The following GRM7 variants were observed in gnomAD, a reference collection of about 807,000 sequenced individuals.
GRM7 encodes the protein metabotropic glutamate receptor 7.
Under a neutral mutation model 84.5 loss-of-function variants are expected in GRM7, and 35 were observed. The observed-to-expected ratio is 0.41, with a 90% CI of 0.32 to 0.55. The LOEUF (loss-of-function observed/expected upper bound fraction) is 0.55. GRM7 is among the 20% of genes least tolerant of loss of function. GRM7 has a pLI of 0.19. For synonymous variants in GRM7, 487 were observed against 455.1 expected (o/e 1.07, Z -0.89); for missense variants, 1,003 against 1,194.6 (o/e 0.84, Z 2.36).
In GRM7 at chr3:7,233,774, G is replaced by A. The variant is rs148736003; in HGVS notation, c.737-64910G>A. 2.0e-4 allele frequency among the ~76,000 whole-genome samples: 30 copies of A among 152,178 alleles called. 1 individual carries two copies. Among genetic ancestry groups the A allele is most frequent in the African/African-American group, 5.8e-4 (24 of 41,554 alleles). ...TTCTTTTACAAAATGACTCCGAACT[G>A]CAAATAAATAAACCCAATTTTTGGA... is the stretch of plus-strand genomic sequence containing the variant. On this transcript the variant is annotated intron_variant, in intron 2 of 9. Transcript: ENST00000357716.
At chr3:7,539,020 C>T (rs1478549143) in intron 7 of GRM7, among the ~76,000 whole-genome samples, 1 of 152,134 alleles carries the variant, frequency 6.6e-6, no homozygotes, top group Non-Finnish European at 1.5e-5. Context: ...TGTCCCTTTG[C>T]CAAATGATGC....
intron 1 of GRM7, among the ~76,000 whole-genome samples, chr3:7,042,110 A>G (rs1393307584): frequency 1.3e-5 from 2 of 152,170 alleles, no homozygotes; most frequent in Non-Finnish European, 2.9e-5. Flanking sequence ...CTTTTATAAT[A>G]AACTAGCAAA....
At chr3:7,399,889 A>C (rs1695375603) in intron 4 of GRM7, among the ~76,000 whole-genome samples, 1 of 152,278 alleles carries the variant, frequency 6.6e-6, no homozygotes, top group South Asian at 2.1e-4. Flanking sequence ...CTGAAGAACC[A>C]TGAGCCAAAT....
intron 4 of GRM7, among the ~76,000 whole-genome samples, chr3:7,348,923 T>G (rs983199849): frequency 7.9e-5 from 12 of 152,268 alleles, no homozygotes; most frequent in African/African-American, 2.6e-4. Context: ...TCTTTAAGCA[T>G]TGATCAAGAG....
rs34407868 is a variant in GRM7, at chr3:7,328,797, A to ATT, written c.1033+22152_1033+22153dup. 2.9e-3 allele frequency among the ~76,000 whole-genome samples: 435 copies of ATT among 151,648 alleles called. 3 individuals carry two copies. Among genetic ancestry groups the ATT allele is most frequent in the African/African-American group, 7.8e-3 (323 of 41,294 alleles). ...TTGCACTATAAACCCCTCACAGGTG[A>ATT]TTTTTTTTCTTTATTTCTGTGGTGC... On this transcript the variant is annotated intron_variant, in intron 4 of 9. Transcript: ENST00000357716.
At chr3:6,981,577 G>A (rs1694200912) in intron 1 of GRM7, among the ~76,000 whole-genome samples, 1 of 152,176 alleles carries the variant, frequency 6.6e-6, no homozygotes, top group African/African-American at 2.4e-5. Context: ...ATGGAGGGAA[G>A]GCACCTTCCG....
intron 4 of GRM7, among the ~76,000 whole-genome samples, chr3:7,334,078 C>G (rs1222908318): frequency 6.6e-6 from 1 of 151,992 alleles, no homozygotes; most frequent in Non-Finnish European, 1.5e-5. Context: ...TGCTAGGGAG[C>G]TAGACATCCA....
chr3:7,597,366 C>A (rs763575502), intron 8 of GRM7, among the ~76,000 whole-genome samples: 22 of 152,150 alleles, frequency 1.4e-4, no homozygotes, highest in Non-Finnish European at 2.6e-4. Context: ...ATCTCCCACA[C>A]TGGGGATTAC....
At chr3:6,900,876 G>A (rs1248869466) in intron 1 of GRM7, among the ~76,000 whole-genome samples, 3 of 152,190 alleles carry the variant, frequency 2.0e-5, no homozygotes, top group Non-Finnish European at 4.4e-5. Flanking sequence ...GCACCAGGCT[G>A]TGGCTATTTT....
chr3:7,100,490 AC>A (rs768368697), intron 1 of GRM7, among the ~76,000 whole-genome samples: 7 of 151,844 alleles, frequency 4.6e-5, no homozygotes, highest in Non-Finnish European at 8.8e-5. Flanking sequence ...AGGCAAAAAT[AC>A]CAGCCTAAAT....
chr3:7,391,600 C>T (rs143823111), intron 4 of GRM7, among the ~76,000 whole-genome samples: 37 of 151,984 alleles, frequency 2.4e-4, no homozygotes, highest in African/African-American at 8.7e-4. Context: ...AGGAGATATA[C>T]CTAATGTAAA....
At chr3:6,907,333 A>G (rs745440104) in intron 1 of GRM7, among the ~76,000 whole-genome samples, 3 of 152,232 alleles carry the variant, frequency 2.0e-5, no homozygotes, top group African/African-American at 7.2e-5. Flanking sequence ...TTTCAACTGT[A>G]AAAAGTACAT....
rs144993621 is a variant in GRM7 at position 7,061,729 on chromosome 3, C to T, written c.520-84723C>T. ...AGAGTAAGAACAGAAGCTTACATGT[C>T]GAGTGCTTTGCATACACAACCTCAT... On this transcript the variant is annotated intron_variant, in intron 1 of 9. Coordinates refer to ENST00000357716, the MANE Select transcript of GRM7 (RefSeq NM_000844.4). Among the ~76,000 whole-genome samples the T allele has an allele frequency of 2.0e-5, 3 of 151,722 alleles. No individual in the cohort carries two copies. The East Asian group carries it at 5.9e-4, about 30-fold the overall frequency.
intron 1 of GRM7, among the ~76,000 whole-genome samples, chr3:6,973,917 T>A (rs1338564696): frequency 6.6e-6 from 1 of 152,152 alleles, no homozygotes; most frequent in Non-Finnish European, 1.5e-5. Context: ...TAGCTGGCAT[T>A]ATCTGATAGG....
chr3:7,272,790 GA>G (rs1698914684), intron 2 of GRM7, among the ~76,000 whole-genome samples: 1 of 151,630 alleles, frequency 6.6e-6, no homozygotes, highest in Non-Finnish European at 1.5e-5. Flanking sequence ...TCTTTTCAAA[GA>G]ACCAGCTCTT....
chr3:7,060,011 A>AGTATACAT (rs1460848172), intron 1 of GRM7, among the ~76,000 whole-genome samples: 1 of 151,952 alleles, frequency 6.6e-6, no homozygotes, highest in Non-Finnish European at 1.5e-5. Context: ...ATTCCAGGCG[A>AGTATACAT]AGTCCAAAGG....
chr3:6,890,290 C>G (rs1311420931), intron 1 of GRM7, among the ~76,000 whole-genome samples: 1 of 152,028 alleles, frequency 6.6e-6, no homozygotes, highest in Middle Eastern at 3.2e-3. Context: ...AATGTGTTTG[C>G]TCTTGCTTTT....
At chr3:7,412,396 C>G (rs922968146) in intron 4 of GRM7, among the ~76,000 whole-genome samples, 3 of 152,172 alleles carry the variant, frequency 2.0e-5, no homozygotes, top group Non-Finnish European at 4.4e-5. Context: ...TCCTCTGACC[C>G]CCTCTTGACA....
Position 7,354,846 on chromosome 3 carries a change from C to T in GRM7, c.1033+48194C>T, listed in dbSNP as rs151086514. On this transcript the variant is annotated intron_variant, in intron 4 of 9. Transcript: ENST00000357716. The stretch of plus-strand genomic sequence containing the variant: ...GTTTGCTCCATATCTGCCTATAAGG[C>T]GCATCAGGAGAAGTTTGCTTTAAAC... Among the ~76,000 whole-genome samples the T allele has an allele frequency of 1.2e-4, 19 of 152,268 alleles. No individual in the cohort carries two copies. In the East Asian group the frequency reaches 2.9e-3, roughly 23 times the overall value.
Sources: allele counts gnomAD v4.1 joint callset (sites outside exome capture counted in the v4.1 genomes callset), GRCh38; gene constraint gnomAD v4.1.1; transcripts MANE v1.5; gene names NCBI Gene and HGNC (gene_info 2026-07-23, HGNC 2026-07-21).